The following TNXB variants were observed in gnomAD, a reference collection of about 807,000 sequenced individuals.
The protein encoded by TNXB is tenascin XB, also known as tenascin-X.
Under a neutral mutation model 340.5 loss-of-function variants are expected in TNXB, and 183 were observed. The observed-to-expected ratio is 0.54, with a 90% CI of 0.48 to 0.61. The LOEUF (loss-of-function observed/expected upper bound fraction) is 0.61, where lower values mean the gene tolerates loss of function less well. Ranked by LOEUF, TNXB falls within the 20% of genes least tolerant of loss-of-function variation. The pLI, the probability that TNXB is intolerant of heterozygous loss-of-function variation, is 0.00. For synonymous variants in TNXB, 2,121 were observed against 2,314.5 expected, an observed-to-expected ratio of 0.92 and a Z score of 2.40; for missense variants, 4,613 against 5,446.4, an observed-to-expected ratio of 0.85 and a Z score of 4.82.
In TNXB at chr6:32,089,791, C is replaced by T. The variant is rs888165615; in HGVS notation, c.2359-412G>A. Among the ~76,000 whole-genome samples the T allele has an allele frequency of 1.3e-5, 2 of 152,190 alleles. No homozygotes were observed. Among genetic ancestry groups the T allele is most frequent in the African/African-American group, 4.8e-5 (2 of 41,430 alleles). ...TCAGAGTCCCCTCTCATGGGCACCC[C>T]GTGTTCATCTGCCAGAATTCCACCC... On this transcript the variant is annotated intron_variant, in intron 4 of 43. Coordinates refer to ENST00000644971, the MANE Select transcript of TNXB (RefSeq NM_001365276.2). The surrounding 1 kb of genome is among the most constrained non-coding windows in gnomAD (Gnocchi z 6.2).
Position 32,074,179 on chromosome 6 carries a change from C to A in TNXB, c.4376-227G>T, listed in dbSNP as rs1273293353. Among the ~76,000 whole-genome samples the A allele has an allele frequency of 6.6e-6, 1 of 151,896 alleles. No individual in the cohort carries two copies. The highest frequency in any genetic ancestry group is 1.5e-5 in the Non-Finnish European group (1 of 67,928). Reference sequence around the variant, plus strand: ...CTACAGGCGTGCGCCACCATGCCTGCCTAATTTTGTGTGTGTGTGTATTTT... The same window carrying A: ...CTACAGGCGTGCGCCACCATGCCTGACTAATTTTGTGTGTGTGTGTATTTT... On this transcript the variant is annotated intron_variant, in intron 11 of 43. Transcript: ENST00000644971. This position sits in a 1 kb window ranked among gnomAD's most constrained non-coding sequence, Gnocchi z 5.5.
rs543142034 is a variant in TNXB at position 32,081,597 on chromosome 6, G to A, written c.3813C>T (p.Gly1271=). 2.5e-6 allele frequency: 4 copies of A among 1,601,692 alleles called. No individual in the cohort carries two copies. Among genetic ancestry groups the A allele is most frequent in the Admixed American group, 3.4e-5 (2 of 58,340 alleles). Residue 1271 remains glycine, a synonymous_variant, in exon 10 of 44, where the codon GGC becomes GGT. Coordinates refer to ENST00000644971, the MANE Select transcript of TNXB (RefSeq NM_001365276.2). The surrounding 1 kb of genome is among the most constrained non-coding windows in gnomAD (Gnocchi z 5.1). ...AGAGACGCAAGGAGTCTGGGGTCACGCCGGTCACTGTCAGTTCCCCCAGGA... is the reference window on the plus strand; with the variant it reads ...AGAGACGCAAGGAGTCTGGGGTCACACCGGTCACTGTCAGTTCCCCCAGGA... ...QPLLGELTVT[G]VTPDSLRLSW... is the part of the protein sequence containing the mutation.
rs1272356599 is a variant in TNXB at position 32,062,566 on chromosome 6, A to G, written c.6842-83T>C. ...ACTCTGGGATTCTCTTAGACACACC[A>G]AGGGCCCACAGTCTGGATGCTGGTG... On this transcript the variant is annotated intron_variant, in intron 19 of 43. Coordinates refer to ENST00000644971, the MANE Select transcript of TNXB (RefSeq NM_001365276.2). This position sits in a 1 kb window ranked among gnomAD's most constrained non-coding sequence, Gnocchi z 4.3. 4 of 1,321,670 alleles carry G rather than the reference A, an allele frequency of 3.0e-6. No individual in the cohort carries two copies. In the African/African-American group the frequency reaches 4.4e-5, roughly 15 times the overall value. 81.9% of individuals were successfully genotyped at this position (1,321,670 alleles called of 1,614,324 possible).
chr6:32,073,921 A>G lies in TNXB; in HGVS notation c.4407T>C (p.Thr1469=), dbSNP rs1238749743. ...APQQEETPPA[T]ESPLEPRLGE... is the part of the protein sequence containing the mutation. Reference sequence around the variant, plus strand: ...CTAGGCGTGGCTCCAGCGGGGACTCAGTGGCTGGAGGGGTCTCTTCTTGTT... The same window carrying G: ...CTAGGCGTGGCTCCAGCGGGGACTCGGTGGCTGGAGGGGTCTCTTCTTGTT... The change falls in exon 12 of 44, where the codon ACT becomes ACC. Residue 1469 remains threonine (T), a synonymous_variant. Transcript: ENST00000644971. The surrounding 1 kb of genome is among the most constrained non-coding windows in gnomAD (Gnocchi z 4.6). The G allele has an allele frequency of 1.2e-6, 2 of 1,603,720 alleles. No individual in the cohort carries two copies. Among genetic ancestry groups the G allele is most frequent in the African/African-American group, 2.7e-5 (2 of 74,914 alleles).
intron 35 of TNXB, 87 bp downstream of exon 35, chr6:32,043,662 C>G: frequency 6.3e-7 from 1 of 1,599,618 alleles, no homozygotes; most frequent in Non-Finnish European, 8.5e-7. Flanking sequence ...CCACCACCTC[C>G]CTTTCACCCT....
intron 24 of TNXB, 78 bp downstream of exon 24, chr6:32,055,773 G>A (rs1252891158): frequency 2.6e-6 from 4 of 1,543,012 alleles, no homozygotes; most frequent in Non-Finnish European, 3.5e-6. Flanking sequence ...CCCGGCTGGT[G>A]AGAATATTTT....
intron 11 of TNXB, among the ~76,000 whole-genome samples, chr6:32,077,937 G>A (rs1268740412): frequency 1.3e-5 from 2 of 151,980 alleles, no homozygotes; most frequent in Non-Finnish European, 2.9e-5. Context: ...TGAGGCAGGA[G>A]AATCACTTGA....
chr6:32,093,389 G>A (rs974719495), intron 4 of TNXB: 6 of 702,250 alleles, frequency 8.5e-6, no homozygotes, highest in East Asian at 2.7e-5. Flanking sequence ...GTTGCGCCAC[G>A]AAGTTGAGAT....
intron 22 of TNXB, 120 bp from the exon 23 acceptor site, chr6:32,057,023 T>C (rs1459303497): frequency 7.8e-6 from 10 of 1,279,426 alleles, no homozygotes; most frequent in Non-Finnish European, 9.8e-6. Context: ...CCACAGCCCC[T>C]CCAGCACAGC....
Position 32,061,805 on chromosome 6 carries a change from C to G in TNXB, c.7169-85G>C, listed in dbSNP as rs112636456. ...GGGAAAAGGAGGGAGAAGGCTATGA[C>G]TAGGGGACATATGAAATAGCCAAGG... On this transcript the variant is annotated intron_variant, in intron 20 of 43. Transcript: ENST00000644971. The surrounding 1 kb of genome is among the most constrained non-coding windows in gnomAD (Gnocchi z 4.4). 1.1e-5 allele frequency: 16 copies of G among 1,522,432 alleles called. 1 individual carries two copies. In the African/African-American group the frequency reaches 1.2e-4, roughly 12 times the overall value. 94.3% of individuals were successfully genotyped at this position (1,522,432 alleles called of 1,614,324 possible). A position where few individuals can be genotyped will look rare whatever the true frequency, so the allele number is the denominator to read the frequency against.
At chr6:32,099,779 A>C (rs1367729887) in intron 1 of TNXB, among the ~76,000 whole-genome samples, 1 of 152,044 alleles carries the variant, frequency 6.6e-6, no homozygotes, top group Non-Finnish European at 1.5e-5. Context: ...TCAAATATCA[A>C]GACTTATTTT....
At position 32,062,420 on chromosome 6, in the gene TNXB, A is replaced by C; in HGVS notation, c.6905T>G (p.Ile2302Ser). Residue 2302 changes from isoleucine (I) to serine (S), a missense_variant, in exon 20 of 44, where the codon ATC (isoleucine) becomes AGC (serine). By Grantham distance (142) the Ile-to-Ser change is moderately radical. This residue lies in a region of TNXB where 4,327 missense variants were observed against 4,859.4 expected (regional missense o/e 0.89). Transcript: ENST00000644971. This position sits in a 1 kb window ranked among gnomAD's most constrained non-coding sequence, Gnocchi z 4.3. ...STEPPTPEPP[I>S]KPRLEELTVT... The stretch of plus-strand genomic sequence containing the variant: ...GGTCAGCTCCTCCAGGCGAGGCTTG[A>C]TGGGGGGTTCAGGGGTGGGAGGTTC... 6.2e-7 allele frequency: 1 copy of C among 1,612,912 alleles called. No homozygotes were observed. The highest frequency in any genetic ancestry group is 8.5e-7 in the Non-Finnish European group (1 of 1,179,810).
intron 35 of TNXB, 46 bp from the exon 36 acceptor site, chr6:32,043,602 A>T (rs772060283): frequency 7.9e-7 from 1 of 1,267,724 alleles, no homozygotes; most frequent in Non-Finnish European, 1.1e-6. Context: ...GGCTCTCTCT[A>T]CTCCGTGCCT....
chr6:32,077,456 T>G (rs1169938275), intron 11 of TNXB, among the ~76,000 whole-genome samples: 1 of 152,258 alleles, frequency 6.6e-6, no homozygotes, highest in African/African-American at 2.4e-5. Context: ...TTTTAATCTT[T>G]CCCCTTATAG....
chr6:32,068,146 C>T lies in TNXB; in HGVS notation c.6221-162G>A, dbSNP rs1029433084. Among the ~76,000 whole-genome samples the T allele has an allele frequency of 6.6e-6, 1 of 152,148 alleles. No individual in the cohort carries two copies. Among genetic ancestry groups the T allele is most frequent in the African/African-American group, 2.4e-5 (1 of 41,422 alleles). On this transcript the variant is annotated intron_variant, in intron 17 of 43. Coordinates refer to ENST00000644971, the MANE Select transcript of TNXB (RefSeq NM_001365276.2). The surrounding 1 kb of genome is among the most constrained non-coding windows in gnomAD (Gnocchi z 5.3). ...TGACAGCTAACACACATGACAAGTT[C>T]CAGGGTCAGCTGTGGGGGACCTGGG...
Position 32,049,937 on chromosome 6 carries a change from C to A in TNXB, c.9439+61G>T. 1 of 1,608,126 alleles carries A rather than the reference C, an allele frequency of 6.2e-7. No individual in the cohort carries two copies. Among genetic ancestry groups the A allele is most frequent in the Non-Finnish European group, 8.5e-7 (1 of 1,175,808 alleles). On this transcript the variant is annotated intron_variant, in intron 27 of 43. Transcript: ENST00000644971. This position sits in a 1 kb window ranked among gnomAD's most constrained non-coding sequence, Gnocchi z 4.5. ...CTGTCCCATTCCCCACCAGTCATCA[C>A]CAAAGAGCAAGAGGTGGCCCTCCCA...
At chr6:32,054,335 GC>G (rs999155163) in intron 24 of TNXB, among the ~76,000 whole-genome samples, 7 of 152,252 alleles carry the variant, frequency 4.6e-5, no homozygotes, top group African/African-American at 1.7e-4. Context: ...AGCTGCTGGG[GC>G]CATCTCAGCA....
chr6:32,053,652 TGGG>T lies in TNXB; in HGVS notation c.8524_8526del (p.Pro2842del). The T allele has an allele frequency of 6.2e-7, 1 of 1,613,256 alleles. No individual in the cohort carries two copies. ...GTCAGCTCCCCGAGGCGAGGCTTGTTGGGGGGCTCAGGGGTTGTGGTGGGCACT... is the reference window on the plus strand; with the variant it reads ...GTCAGCTCCCCGAGGCGAGGCTTGTTGGGCTCAGGGGTTGTGGTGGGCACT... On this transcript the variant is annotated inframe_deletion, in exon 25 of 44. Coordinates refer to ENST00000644971, the MANE Select transcript of TNXB (RefSeq NM_001365276.2).
chr6:32,098,173 G>T lies in TNXB; in HGVS notation c.26C>A (p.Thr9Asn). Residue 9 changes from threonine to asparagine, a missense_variant, in exon 2 of 44, where the codon ACC becomes AAC. Physicochemically the swap from Thr to Asn is moderately conservative, Grantham distance 65. Coordinates refer to ENST00000644971, the MANE Select transcript of TNXB (RefSeq NM_001365276.2). MMPAQYAL[T>N]SSLVLLVLLS... ...CAGCACCAGGAGAACCAGGCTGGAG[G>T]TTAGAGCATACTGGGCTGGCATCAT... 1.3e-6 allele frequency: 2 copies of T among 1,552,492 alleles called. No homozygotes were observed. The highest frequency in any genetic ancestry group is 1.8e-5 in the Admixed American group (1 of 54,410).
Sources: allele counts gnomAD v4.1 joint callset (sites outside exome capture counted in the v4.1 genomes callset), GRCh38; gene constraint gnomAD v4.1.1; regional missense constraint gnomAD v4.1.1; non-coding constraint Gnocchi (gnomAD v3.1); transcripts MANE v1.5; gene names NCBI Gene and HGNC (gene_info 2026-07-23, HGNC 2026-07-21).